KALRN: variants seen among roughly 807,000 people sequenced by gnomAD.
KALRN encodes the protein kalirin RhoGEF kinase.
A neutral mutation model predicts 353.7 loss-of-function variants in KALRN; 70 were observed. The ratio of observed to expected loss-of-function variants is 0.20; its 90% CI spans 0.16 to 0.24. The LOEUF (loss-of-function observed/expected upper bound fraction) is 0.24. KALRN is among the 10% of genes least tolerant of loss of function. The probability of loss-of-function intolerance (pLI) is 1.00; values close to 1 mark genes in which losing one functional copy is unlikely to be tolerated. For synonymous variants in KALRN, 1,391 were observed against 1,434.8 expected (o/e 0.97, Z 0.69); for missense variants, 2,791 against 3,756.7 (o/e 0.74, Z 6.72).
At chr3:124,369,628 T>C (rs1048250131) in intron 10 of KALRN, among the ~76,000 whole-genome samples, 2 of 152,172 alleles carry the variant, frequency 1.3e-5, no homozygotes, top group African/African-American at 4.8e-5. Context: ...TCCCTTAGGA[T>C]TTTTTAAGAA....
chr3:124,305,937 A>C (rs1468594569), intron 6 of KALRN, among the ~76,000 whole-genome samples: 1 of 152,224 alleles, frequency 6.6e-6, no homozygotes, highest in Non-Finnish European at 1.5e-5. Flanking sequence ...CTGTGAGAGC[A>C]ACCAGATGTC....
chr3:124,312,321 C>T (rs28451142), intron 6 of KALRN, among the ~76,000 whole-genome samples: 5,647 of 152,072 alleles, frequency 0.037, 170 homozygotes, highest in East Asian at 0.086. Flanking sequence ...CCACCATGCC[C>T]GGCTAATTTT....
At chr3:124,368,948 G>A (rs1432676726) in intron 10 of KALRN, among the ~76,000 whole-genome samples, 4 of 152,002 alleles carry the variant, frequency 2.6e-5, no homozygotes, top group African/African-American at 9.7e-5. Flanking sequence ...CACTCGGCAG[G>A]CTGAGGCAGG....
intron 1 of KALRN, among the ~76,000 whole-genome samples, chr3:124,112,520 G>A (rs4678085): frequency 0.31 from 46,512 of 151,824 alleles, 8,520 homozygotes; most frequent in African/African-American, 0.51. Flanking sequence ...TTGGACAAGA[G>A]GCCCCAGAGA....
Position 124,489,401 on chromosome 3 carries a change from C to A in KALRN, c.4396+1086C>A, listed in dbSNP as rs527653257. Among the ~76,000 whole-genome samples the A allele has an allele frequency of 3.0e-3, 459 of 152,260 alleles. 4 individuals are homozygous for A. The highest frequency in any genetic ancestry group is 0.011 in the African/African-American group (438 of 41,548). On this transcript the variant is annotated intron_variant, in intron 29 of 59. Transcript: ENST00000682506. The stretch of plus-strand genomic sequence containing the variant: ...TGTTGCAAATATGTAAACACGTGGG[C>A]TGTTTTTTCTCTTCTGGACTCCATC...
intron 1 of KALRN, among the ~76,000 whole-genome samples, chr3:124,102,595 C>T (rs772151038): frequency 5.3e-5 from 8 of 152,142 alleles, no homozygotes; most frequent in Non-Finnish European, 1.2e-4. Context: ...GTGTTTGGTA[C>T]CAGTAAGTAC....
At position 124,674,677 on chromosome 3, in the gene KALRN, CAAAA is replaced by C. The variant is rs2086949212; in HGVS notation, c.7193+64_7193+67del. The C allele has an allele frequency of 1.0e-5, 15 of 1,435,444 alleles. 1 individual carries two copies. In the Middle Eastern group the frequency reaches 2.0e-3, roughly 192 times the overall value. The allele number at this position is 1,435,444 out of a possible 1,614,324, so 88.9% of individuals were successfully genotyped here. ...AGGATTAAAAATATTCAGAAACAAA[CAAAA>C]GAACACAAAAATGCAAACACATGGT... On this transcript the variant is annotated intron_variant, in intron 49 of 59. Transcript: ENST00000682506.
intron 55 of KALRN, among the ~76,000 whole-genome samples, chr3:124,699,403 A>G (rs554055206): frequency 3.3e-4 from 50 of 152,274 alleles, no homozygotes; most frequent in African/African-American, 1.1e-3. Context: ...TCTGTCTTAA[A>G]TCTCATTTAA....
At chr3:124,055,039 C>G (rs758349333) in intron 1 of KALRN, among the ~76,000 whole-genome samples, 9 of 152,170 alleles carry the variant, frequency 5.9e-5, no homozygotes, top group Non-Finnish European at 1.0e-4. Context: ...TTCCTCATCT[C>G]AGAGGGTAAA....
intron 34 of KALRN, among the ~76,000 whole-genome samples, chr3:124,619,455 A>C (rs1323958447): frequency 6.8e-6 from 1 of 146,574 alleles, no homozygotes; most frequent in Non-Finnish European, 1.5e-5. Flanking sequence ...TCACTGGGTC[A>C]TGTGATAATT....
At chr3:124,231,723 T>TA (rs397990992) in intron 2 of KALRN, among the ~76,000 whole-genome samples, 2 of 151,106 alleles carry the variant, frequency 1.3e-5, no homozygotes, top group Non-Finnish European at 2.9e-5. Flanking sequence ...TTTTTTTTTT[T>TA]AATCTGGCAT....
At chr3:124,342,218 A>G (rs187953026) in intron 9 of KALRN, among the ~76,000 whole-genome samples, 3 of 152,080 alleles carry the variant, frequency 2.0e-5, no homozygotes, top group Non-Finnish European at 2.9e-5. Context: ...TTTGTTATAT[A>G]CGTAGATTGC....
intron 2 of KALRN, among the ~76,000 whole-genome samples, chr3:124,231,053 A>C (rs1197777997): frequency 6.6e-6 from 1 of 152,248 alleles, no homozygotes; most frequent in Non-Finnish European, 1.5e-5. Flanking sequence ...CTGTTTGTTA[A>C]TTGAGCCTGC....
In KALRN at chr3:124,678,187, C is replaced by T; in HGVS notation, c.7194-3C>T. 6.2e-7 allele frequency: 1 copy of T among 1,613,376 alleles called. No individual in the cohort carries two copies. Among genetic ancestry groups the T allele is most frequent in the Non-Finnish European group, 8.5e-7 (1 of 1,179,688 alleles). On this transcript the variant is annotated splice_polypyrimidine_tract_variant and splice_region_variant and intron_variant, in intron 49 of 59. Coordinates refer to ENST00000682506, the MANE Select transcript of KALRN (RefSeq NM_001388419.1). ...TTGATTGGTGCATTTTTTGGTACAA[C>T]AGGAAGTCATGTTCATGGCATACTC...
intron 59 of KALRN, 30 bp downstream of exon 59, chr3:124,717,415 A>T (rs145268246): frequency 2.3e-5 from 36 of 1,542,526 alleles, no homozygotes; most frequent in African/African-American, 4.1e-5. Flanking sequence ...TGCTGGGCGC[A>T]GTGGCTCACG....
At chr3:124,558,879 G>A (rs1308132406) in intron 33 of KALRN, among the ~76,000 whole-genome samples, 1 of 152,216 alleles carries the variant, frequency 6.6e-6, no homozygotes, top group Non-Finnish European at 1.5e-5. Flanking sequence ...TTCTTCAGGG[G>A]TCCTGTCCTC....
chr3:124,204,912 T>A (rs2076280013), intron 1 of KALRN, among the ~76,000 whole-genome samples: 1 of 152,244 alleles, frequency 6.6e-6, no homozygotes, highest in Non-Finnish European at 1.5e-5. Flanking sequence ...GAACTCCTCA[T>A]GGAACTGTCA....
intron 9 of KALRN, among the ~76,000 whole-genome samples, chr3:124,342,150 CTTTATTTA>C (rs6148051): frequency 1.3e-5 from 2 of 150,626 alleles, no homozygotes; most frequent in Admixed American, 6.6e-5. Context: ...GAGGGTATGC[CTTTATTTA>C]TTTATTTATT....
In KALRN at chr3:124,712,926, T is replaced by A. The variant is rs1294375597; in HGVS notation, c.8076-9T>A. The A allele has an allele frequency of 6.2e-7, 1 of 1,603,624 alleles. No homozygotes were observed. Among genetic ancestry groups the A allele is most frequent in the African/African-American group, 1.3e-5 (1 of 74,446 alleles). ...GAATGTTGGCAAACTCTCCCTTTTGTTTTTCCAGAGGCCGTTTCTCTATAG... is the reference window on the plus strand; with the variant it reads ...GAATGTTGGCAAACTCTCCCTTTTGATTTTCCAGAGGCCGTTTCTCTATAG... On this transcript the variant is annotated splice_polypyrimidine_tract_variant and intron_variant, in intron 57 of 59. Transcript: ENST00000682506.
Sources: allele counts gnomAD v4.1 joint callset (sites outside exome capture counted in the v4.1 genomes callset), GRCh38; gene constraint gnomAD v4.1.1; transcripts MANE v1.5; gene names NCBI Gene and HGNC (gene_info 2026-07-23, HGNC 2026-07-21).